The following TRABD2B variants were observed in gnomAD, a reference collection of about 807,000 sequenced individuals.
TRABD2B encodes the protein metalloprotease TIKI2.
TRABD2B carries 14 observed loss-of-function variants against 40.1 expected under a neutral mutation model. That is an observed-to-expected ratio of 0.35 (90% CI 0.23 to 0.55). The LOEUF is 0.55. TRABD2B is among the 20% of genes least tolerant of loss of function. The pLI is 0.90. For missense variants in TRABD2B, 541 were observed against 648.6 expected, an observed-to-expected ratio of 0.83 and a Z score of 1.80; for synonymous variants, 263 against 277.0, an observed-to-expected ratio of 0.95 and a Z score of 0.50.
chr1:47,877,766 A>T (rs1255059229), intron 2 of TRABD2B, among the ~76,000 whole-genome samples: 1 of 152,212 alleles, frequency 6.6e-6, no homozygotes, highest in African/African-American at 2.4e-5. Context: ...TTATGCAGCT[A>T]CTGGTGGACT....
intron 5 of TRABD2B, among the ~76,000 whole-genome samples, chr1:47,777,566 G>A (rs1644464333): frequency 6.6e-6 from 1 of 152,184 alleles, no homozygotes; most frequent in Non-Finnish European, 1.5e-5. Context: ...GTTCCTCAAG[G>A]ATAAGGTGGG....
Position 47,778,531 on chromosome 1 carries a change from C to G in TRABD2B, c.1002G>C (p.Gly334=). 6.5e-7 allele frequency: 1 copy of G among 1,536,054 alleles called. No individual in the cohort carries two copies. The highest frequency in any genetic ancestry group is 1.2e-5 in the South Asian group (1 of 84,050). ...GCAGGATGTCGATGACTGTGTTGTT[C>G]CCCAGAAAGTGACCTGGAACACAAG... ...FFAFGAGHFL[G]NNTVIDILRQ... The change falls in exon 5 of 7, where the codon GGG becomes GGC. Residue 334 remains glycine (G), a synonymous_variant. Transcript: ENST00000606738.
intron 2 of TRABD2B, among the ~76,000 whole-genome samples, chr1:47,956,168 C>G (rs749138940): frequency 5.9e-5 from 9 of 152,154 alleles, no homozygotes; most frequent in Non-Finnish European, 1.0e-4. Flanking sequence ...CCTCTACCAC[C>G]ATAGAAACCC....
At chr1:47,785,070 A>T (rs1409942792) in intron 4 of TRABD2B, among the ~76,000 whole-genome samples, 5 of 152,154 alleles carry the variant, frequency 3.3e-5, no homozygotes, top group African/African-American at 1.2e-4. Flanking sequence ...GCACAGCAGG[A>T]TCAAATGCAC....
At chr1:47,950,467 G>C (rs1295296534) in intron 2 of TRABD2B, among the ~76,000 whole-genome samples, 1 of 152,162 alleles carries the variant, frequency 6.6e-6, no homozygotes, top group Admixed American at 6.5e-5. Flanking sequence ...ACAGAAATGA[G>C]TTTGATGAGC....
intron 2 of TRABD2B, among the ~76,000 whole-genome samples, chr1:47,883,717 G>A (rs1644335692): frequency 6.6e-6 from 1 of 152,238 alleles, no homozygotes; most frequent in Admixed American, 6.5e-5. Flanking sequence ...ACTACAGGGA[G>A]GCAGATGCTC....
chr1:47,886,346 G>A (rs957101155), intron 2 of TRABD2B, among the ~76,000 whole-genome samples: 5 of 152,196 alleles, frequency 3.3e-5, no homozygotes, highest in Admixed American at 2.6e-4. Context: ...AGTGTTGGCC[G>A]TTCCACTCGG....
At chr1:47,814,831 A>G (rs2124372019) in intron 2 of TRABD2B, among the ~76,000 whole-genome samples, 1 of 152,336 alleles carries the variant, frequency 6.6e-6, no homozygotes, top group East Asian at 1.9e-4. Context: ...CCTCACAGAC[A>G]AAACTAAAAT....
intron 2 of TRABD2B, among the ~76,000 whole-genome samples, chr1:47,941,622 A>C (rs1645190025): frequency 1.3e-5 from 2 of 152,220 alleles, no homozygotes; most frequent in Admixed American, 6.5e-5. Context: ...CAGGCTAGTA[A>C]TCACCTTGCC....
At chr1:47,797,571 A>T (rs1380130479) in intron 3 of TRABD2B, among the ~76,000 whole-genome samples, 1 of 152,172 alleles carries the variant, frequency 6.6e-6, no homozygotes, top group African/African-American at 2.4e-5. Flanking sequence ...AAAAAAATTA[A>T]CAAGGACAAG....
intron 2 of TRABD2B, among the ~76,000 whole-genome samples, chr1:47,899,010 T>C (rs1570243976): frequency 6.6e-6 from 1 of 152,246 alleles, no homozygotes; most frequent in Non-Finnish European, 1.5e-5. Context: ...ATCCTTTTGC[T>C]GTTGGAGAAG....
At chr1:47,940,427 A>G (rs547404708) in intron 2 of TRABD2B, among the ~76,000 whole-genome samples, 1 of 152,296 alleles carries the variant, frequency 6.6e-6, no homozygotes, top group South Asian at 2.1e-4. Flanking sequence ...GACTATTATT[A>G]TATAATACTT....
chr1:47,950,636 G>A (rs1177426377), intron 2 of TRABD2B, among the ~76,000 whole-genome samples: 3 of 152,192 alleles, frequency 2.0e-5, no homozygotes, highest in Non-Finnish European at 4.4e-5. Context: ...AGTCACAAGG[G>A]AAGTGAGAAG....
chr1:47,795,395 C>A (rs1016111125), intron 3 of TRABD2B, among the ~76,000 whole-genome samples: 1 of 152,180 alleles, frequency 6.6e-6, no homozygotes, highest in Admixed American at 6.5e-5. Flanking sequence ...GCACTGTGCT[C>A]ATCTTGTTAA....
At chr1:47,794,488 G>T (rs1398160036) in intron 4 of TRABD2B, 98 bp downstream of exon 4, 2 of 1,341,466 alleles carry the variant, frequency 1.5e-6, no homozygotes, top group Admixed American at 2.9e-5. Context: ...GCCCCATCCT[G>T]GGCCTCGACT....
Position 47,996,126 on chromosome 1 carries a change from G to C in TRABD2B, c.102+562C>G, listed in dbSNP as rs1646087514. ...CCTCTGAAATCTTCCCTCTTTTCACGAAATATGGACGCTTGGGAGAGTAGG... is the reference window on the plus strand; with the variant it reads ...CCTCTGAAATCTTCCCTCTTTTCACCAAATATGGACGCTTGGGAGAGTAGG... On this transcript the variant is annotated intron_variant, in intron 1 of 6. Coordinates refer to ENST00000606738, the MANE Select transcript of TRABD2B (RefSeq NM_001194986.2). The surrounding 1 kb of genome is among the most constrained non-coding windows in gnomAD (Gnocchi z 4.6). 6.6e-6 allele frequency among the ~76,000 whole-genome samples: 1 copy of C among 152,096 alleles called. No individual in the cohort carries two copies. The highest frequency in any genetic ancestry group is 6.6e-5 in the Admixed American group (1 of 15,260).
At chr1:47,834,655 ATC>A (rs1273943257) in intron 2 of TRABD2B, among the ~76,000 whole-genome samples, 5 of 152,136 alleles carry the variant, frequency 3.3e-5, no homozygotes, top group Non-Finnish European at 5.9e-5. Context: ...GTTTAAGTAA[ATC>A]TCTGTCTAAT....
At chr1:47,911,162 G>A (rs139823204) in intron 2 of TRABD2B, among the ~76,000 whole-genome samples, 7 of 152,354 alleles carry the variant, frequency 4.6e-5, no homozygotes, top group South Asian at 4.2e-4. Context: ...GATTGAATCT[G>A]CATTCCTTCT....
chr1:47,805,994 A>G lies in TRABD2B; in HGVS notation c.667-4375T>C, dbSNP rs972928777. 2.0e-5 allele frequency among the ~76,000 whole-genome samples: 3 copies of G among 152,188 alleles called. No homozygotes were observed. In the South Asian group the frequency reaches 6.2e-4, roughly 32 times the overall value. Reference sequence around the variant, plus strand: ...GAGAGCCAAGAGGGATGTTGTCCGTAGTCAAAGATGGGAAACCAAAGAAGC... The same window carrying G: ...GAGAGCCAAGAGGGATGTTGTCCGTGGTCAAAGATGGGAAACCAAAGAAGC... On this transcript the variant is annotated intron_variant, in intron 2 of 6. Coordinates refer to ENST00000606738, the MANE Select transcript of TRABD2B (RefSeq NM_001194986.2).
Sources: allele counts gnomAD v4.1 joint callset (sites outside exome capture counted in the v4.1 genomes callset), GRCh38; gene constraint gnomAD v4.1.1; non-coding constraint Gnocchi (gnomAD v3.1); transcripts MANE v1.5; gene names NCBI Gene and HGNC (gene_info 2026-07-23, HGNC 2026-07-21).